Variants in OPN3 observed in about 807,000 individuals in gnomAD.
The protein encoded by OPN3 is opsin-3.
OPN3 carries 29 observed loss-of-function variants against 33.8 expected under a neutral mutation model. The ratio of observed to expected loss-of-function variants is 0.86; its 90% CI spans 0.64 to 1.17. The LOEUF (loss-of-function observed/expected upper bound fraction) is 1.17, where lower values mean the gene tolerates loss of function less well. OPN3 is among the 50% of genes most tolerant of loss of function. The pLI, the probability that OPN3 is intolerant of heterozygous loss-of-function variation, is 0.00. For synonymous variants in OPN3, 216 were observed against 216.1 expected, an observed-to-expected ratio of 1.00 and a Z score of 0.00; for missense variants, 437 against 514.1, an observed-to-expected ratio of 0.85 and a Z score of 1.45.
intron 3 of OPN3, 88 bp downstream of exon 3, chr1:241,597,658 G>A (rs1393164131): frequency 5.0e-6 from 6 of 1,206,062 alleles, no homozygotes; most frequent in South Asian, 4.7e-5. Context: ...TAATTGAAGC[G>A]ACTCTGAATC....
chr1:241,639,854 G>C (rs758569925), intron 1 of OPN3, 28 bp downstream of exon 1: 2 of 1,491,162 alleles, frequency 1.3e-6, no homozygotes, highest in Admixed American at 2.1e-5. Context: ...TTGCAGAGGG[G>C]AGGCTGCCTT....
chr1:241,622,563 C>T (rs2148014025), intron 1 of OPN3, among the ~76,000 whole-genome samples: 1 of 152,274 alleles, frequency 6.6e-6, no homozygotes, highest in Non-Finnish European at 1.5e-5. Flanking sequence ...AGGAGTGCTG[C>T]CTGGTGATCC....
chr1:241,634,481 AT>A, intron 1 of OPN3: 1 of 1,613,802 alleles, frequency 6.2e-7, no homozygotes, highest in East Asian at 2.2e-5. Flanking sequence ...TTTAGCATTT[AT>A]TCTTTGACCA....
At chr1:241,594,963 G>A in intron 3 of OPN3, 1 of 351,720 alleles carries the variant, frequency 2.8e-6, no homozygotes. Context: ...TTTCTATGAG[G>A]GCAGGTACAA....
chr1:241,623,337 C>G (rs1277457104), intron 1 of OPN3, among the ~76,000 whole-genome samples: 1 of 152,226 alleles, frequency 6.6e-6, no homozygotes, highest in East Asian at 1.9e-4. Flanking sequence ...TGCCCTAATT[C>G]AGACTCTCAC....
At chr1:241,607,617 G>A (rs1663870876) in intron 1 of OPN3, among the ~76,000 whole-genome samples, 1 of 146,930 alleles carries the variant, frequency 6.8e-6, no homozygotes, top group Non-Finnish European at 1.5e-5. Flanking sequence ...AGGAGGGAAG[G>A]AAGGAAGAAA....
intron 1 of OPN3, chr1:241,635,053 C>T (rs1200033960): frequency 1.2e-6 from 2 of 1,612,958 alleles, no homozygotes; most frequent in Non-Finnish European, 1.7e-6. Flanking sequence ...CTTGAGAATA[C>T]AGCAGTTTTG....
chr1:241,607,630 GAAAA>G (rs1476581754), intron 1 of OPN3, among the ~76,000 whole-genome samples: 42 of 134,136 alleles, frequency 3.1e-4, no homozygotes, highest in African/African-American at 8.6e-4. Context: ...GGAAGAAAAA[GAAAA>G]AGGAAGAAAG....
At chr1:241,625,702 C>T (rs987690616) in intron 1 of OPN3, among the ~76,000 whole-genome samples, 6 of 152,166 alleles carry the variant, frequency 3.9e-5, no homozygotes, top group Admixed American at 3.9e-4. Flanking sequence ...GCAAAGACAG[C>T]AGTTCCTATC....
intron 1 of OPN3, chr1:241,635,682 T>A: frequency 6.2e-7 from 1 of 1,614,074 alleles, no homozygotes; most frequent in Non-Finnish European, 8.5e-7. Context: ...TGACCACTTC[T>A]TGAACATGCA....
rs1400739338 is a variant in OPN3 at position 241,602,780 on chromosome 1, G to T, written c.693+1480C>A. ...CCTCTGACCCTAATTACCTCCCAAG[G>T]CCCCATCCCCAAATACTGTCACATC... On this transcript the variant is annotated intron_variant, in intron 2 of 3. Coordinates refer to ENST00000366554, the MANE Select transcript of OPN3 (RefSeq NM_014322.3). Among the ~76,000 whole-genome samples the T allele has an allele frequency of 3.3e-5, 5 of 152,102 alleles. No homozygotes were observed. In the East Asian group the frequency reaches 5.8e-4, roughly 18 times the overall value.
At chr1:241,611,581 T>C (rs1663998311) in intron 1 of OPN3, among the ~76,000 whole-genome samples, 1 of 150,288 alleles carries the variant, frequency 6.7e-6, no homozygotes, top group South Asian at 2.1e-4. Flanking sequence ...CTTATGTAAA[T>C]ACATGGAGAT....
chr1:241,600,739 C>A (rs1573951060), intron 2 of OPN3: 1 of 152,126 alleles, frequency 6.6e-6, no homozygotes, highest in Non-Finnish European at 1.5e-5. Flanking sequence ...CACTTTCACC[C>A]CTTCTCCTGT....
intron 1 of OPN3, chr1:241,634,701 C>T: frequency 6.2e-7 from 1 of 1,613,858 alleles, no homozygotes; most frequent in Non-Finnish European, 8.5e-7. Flanking sequence ...GCGTTAAGAC[C>T]ATCTATTGTA....
At chr1:241,601,131 C>T (rs1341588578) in intron 2 of OPN3, 1 of 152,066 alleles carries the variant, frequency 6.6e-6, no homozygotes, top group South Asian at 2.1e-4. Context: ...AGAAATATTA[C>T]CATTGGCCGC....
chr1:241,607,177 G>A (rs1276648734), intron 1 of OPN3, among the ~76,000 whole-genome samples: 2 of 152,124 alleles, frequency 1.3e-5, no homozygotes, highest in Non-Finnish European at 1.5e-5. Context: ...GTGACCGGAA[G>A]AAGATTGGGT....
At chr1:241,630,609 T>C (rs1400569502) in intron 1 of OPN3, 1 of 152,098 alleles carries the variant, frequency 6.6e-6, no homozygotes, top group African/African-American at 2.4e-5. Flanking sequence ...CTGGCTTTTA[T>C]TGCAATGACA....
At chr1:241,630,286 T>C (rs1190686079) in intron 1 of OPN3, 2 of 152,062 alleles carry the variant, frequency 1.3e-5, no homozygotes. Flanking sequence ...ATGGCTCCCA[T>C]GGGAGTTTGT....
chr1:241,594,533 A>C lies in OPN3; in HGVS notation c.1104T>G (p.Ser368=). Residue 368 remains serine (S), a synonymous_variant, in exon 4 of 4, where the codon TCT becomes TCG. Transcript: ENST00000366554. ...DRPKKKVTFN[S]SSIIFIITSD... Reference sequence around the variant, plus strand: ...TGGTGATGATAAAAATGATGGAAGAAGAGTTGAAAGTCACTTTTTTCTTTG... The same window carrying C: ...TGGTGATGATAAAAATGATGGAAGACGAGTTGAAAGTCACTTTTTTCTTTG... The C allele has an allele frequency of 6.2e-7, 1 of 1,614,136 alleles. No homozygotes were observed. Among genetic ancestry groups the C allele is most frequent in the Non-Finnish European group, 8.5e-7 (1 of 1,180,006 alleles).
Sources: allele counts gnomAD v4.1 joint callset (sites outside exome capture counted in the v4.1 genomes callset), GRCh38; gene constraint gnomAD v4.1.1; transcripts MANE v1.5; gene names NCBI Gene and HGNC (gene_info 2026-07-23, HGNC 2026-07-21).